Variants in PRELID2 observed in about 807,000 individuals in gnomAD.
The protein encoded by PRELID2 is PRELI domain containing 2, also known as PRELI domain-containing protein 2.
Under a neutral mutation model 28.4 loss-of-function variants are expected in PRELID2, and 25 were observed. That is an observed-to-expected ratio of 0.88 (90% CI 0.64 to 1.23). PRELID2 has a LOEUF of 1.23. PRELID2 is among the 50% of genes most tolerant of loss of function. The pLI is 0.00. For synonymous variants in PRELID2, 76 were observed against 71.6 expected, an observed-to-expected ratio of 1.06 and a Z score of -0.31; for missense variants, 201 against 214.4, an observed-to-expected ratio of 0.94 and a Z score of 0.39.
At chr5:145,512,064 C>A (rs1166473865) in intron 1 of PRELID2, among the ~76,000 whole-genome samples, 1 of 152,068 alleles carries the variant, frequency 6.6e-6, no homozygotes, top group African/African-American at 2.4e-5. Context: ...AGCAATGAAT[C>A]CTAGGTCTCT....
At chr5:145,468,090 C>G (rs1355102812), downstream of PRELID2, among the ~76,000 whole-genome samples, 1 of 152,058 alleles carries the variant, frequency 6.6e-6, no homozygotes, top group Non-Finnish European at 1.5e-5. Context: ...CAACAGGCCC[C>G]AGTGTGTGAT....
At chr5:145,789,578 T>C (rs1020127711) in intron 5 of PRELID2, among the ~76,000 whole-genome samples, 1 of 152,166 alleles carries the variant, frequency 6.6e-6, no homozygotes, top group Admixed American at 6.5e-5. Context: ...ATCCATGACA[T>C]TGGTCTGGGC....
At chr5:145,352,041 C>T in the PRELID2 span, among the ~76,000 whole-genome samples, 1 of 152,140 alleles carries the variant, frequency 6.6e-6, no homozygotes, top group African/African-American at 2.4e-5. Context: ...CATGGGCTGA[C>T]GTTGAATGTC....
chr5:145,461,158 C>A, the PRELID2 span, among the ~76,000 whole-genome samples: 7 of 152,228 alleles, frequency 4.6e-5, no homozygotes, highest in African/African-American at 1.7e-4. Flanking sequence ...TTCAATCTGG[C>A]CTTAGGTTTA....
the PRELID2 span, among the ~76,000 whole-genome samples, chr5:145,291,335 C>CACAAAAAAAAGAAAAAAAAA: frequency 1.7e-5 from 1 of 57,474 alleles, no homozygotes; most frequent in African/African-American, 1.1e-4. Context: ...GACTCTGTTT[C>CACAAAAAAAAGAAAAAAAAA]AGAAAAAAAA....
chr5:145,368,637 G>T, the PRELID2 span, among the ~76,000 whole-genome samples: 1 of 151,720 alleles, frequency 6.6e-6, no homozygotes, highest in Non-Finnish European at 1.5e-5. Context: ...TTTCTTGTTG[G>T]TTTTCATTTT....
intron 1 of PRELID2, among the ~76,000 whole-genome samples, chr5:145,607,306 C>T (rs1580998657): frequency 6.6e-6 from 1 of 152,046 alleles, no homozygotes; most frequent in Admixed American, 6.6e-5. Flanking sequence ...TTGATTTGCA[C>T]TTGTTTCTCT....
At chr5:145,785,415 C>T (rs1393086130) in intron 5 of PRELID2, among the ~76,000 whole-genome samples, 1 of 152,060 alleles carries the variant, frequency 6.6e-6, no homozygotes, top group Non-Finnish European at 1.5e-5. Flanking sequence ...ATTTGGTATA[C>T]GATTGTTAAG....
chr5:145,801,167 T>C (rs181351059), intron 4 of PRELID2, among the ~76,000 whole-genome samples: 13 of 152,350 alleles, frequency 8.5e-5, no homozygotes, highest in East Asian at 1.9e-4. Context: ...AAAAAGTCTA[T>C]TGAGTAATAA....
rs142288052 is a variant in PRELID2 at position 145,792,234 on chromosome 5, G to A, written c.474+4208C>T. ...CAGACAAGCTTGGGTTCAAATCCCCGGTTCACCATTTACTAATTCTGTGAC... is the reference window on the plus strand; with the variant it reads ...CAGACAAGCTTGGGTTCAAATCCCCAGTTCACCATTTACTAATTCTGTGAC... On this transcript the variant is annotated intron_variant, in intron 5 of 6. Coordinates refer to ENST00000683046, the MANE Select transcript of PRELID2 (RefSeq NM_205846.3). 4.2e-3 allele frequency among the ~76,000 whole-genome samples: 639 copies of A among 152,194 alleles called. 4 individuals are homozygous for A. Among genetic ancestry groups the A allele is most frequent in the African/African-American group, 0.014 (569 of 41,512 alleles).
In PRELID2 at chr5:145,570,473, A is replaced by G. The variant is rs1163887489; in HGVS notation, n.71-97158T>C. On this transcript the variant is annotated intron_variant and non_coding_transcript_variant, in intron 1 of 2. Coordinates refer to the PRELID2 transcript ENST00000510259. ...TAAACACAGTAAAACTACATTTTAC[A>G]AGCATTATAATAATGAGGACAGCCT... Among the ~76,000 whole-genome samples the G allele has an allele frequency of 7.9e-5, 12 of 152,334 alleles. No homozygotes were observed. In the East Asian group the frequency reaches 1.9e-3, roughly 24 times the overall value.
the PRELID2 span, among the ~76,000 whole-genome samples, chr5:145,300,859 G>A: frequency 5.3e-5 from 8 of 150,890 alleles, no homozygotes; most frequent in South Asian, 2.1e-4. Context: ...TCTTCTATTC[G>A]ATTTTGTTTT....
At chr5:145,341,892 A>C in the PRELID2 span, among the ~76,000 whole-genome samples, 3 of 152,204 alleles carry the variant, frequency 2.0e-5, no homozygotes, top group Non-Finnish European at 2.9e-5. Flanking sequence ...AGACTTTCCC[A>C]TACAGGTGGC....
intron 4 of PRELID2, among the ~76,000 whole-genome samples, chr5:145,804,438 A>T (rs1265081996): frequency 1.3e-5 from 2 of 152,014 alleles, no homozygotes. Flanking sequence ...TGAACCCAGG[A>T]GGCGGAGGTT....
At chr5:145,255,574 A>G in the PRELID2 span, among the ~76,000 whole-genome samples, 12,500 of 151,870 alleles carry the variant, frequency 0.082, 1,101 homozygotes, top group African/African-American at 0.23. Flanking sequence ...AGTAGTTTGA[A>G]CCAGACTGAG....
the PRELID2 span, among the ~76,000 whole-genome samples, chr5:145,330,907 A>C: frequency 6.6e-6 from 1 of 151,908 alleles, no homozygotes; most frequent in South Asian, 2.1e-4. Context: ...TCCTGTGGGC[A>C]TTTAGTGCTA....
chr5:145,504,703 C>A (rs543534696), intron 1 of PRELID2, among the ~76,000 whole-genome samples: 1 of 152,268 alleles, frequency 6.6e-6, no homozygotes, highest in South Asian at 2.1e-4. Context: ...TTCTAATCAC[C>A]TTTTCAAAAT....
At chr5:145,380,814 C>A in the PRELID2 span, among the ~76,000 whole-genome samples, 1 of 152,148 alleles carries the variant, frequency 6.6e-6, no homozygotes, top group East Asian at 1.9e-4. Context: ...ACTTTGCCCC[C>A]ACAAATGCCT....
the PRELID2 span, among the ~76,000 whole-genome samples, chr5:145,428,655 C>T: frequency 6.6e-6 from 1 of 152,014 alleles, no homozygotes; most frequent in Non-Finnish European, 1.5e-5. Flanking sequence ...GCACTTTGTG[C>T]ACATGTACCC....
Sources: allele counts gnomAD v4.1 joint callset (sites outside exome capture counted in the v4.1 genomes callset), GRCh38; gene constraint gnomAD v4.1.1; transcripts MANE v1.5; gene names NCBI Gene and HGNC (gene_info 2026-07-23, HGNC 2026-07-21).